The following GJC1 variants were observed in gnomAD, a reference collection of about 807,000 sequenced individuals.
GJC1 encodes the protein gap junction gamma-1 protein.
In GJC1, 5 loss-of-function variants were observed where a neutral mutation model predicts 29.3. The ratio of observed to expected loss-of-function variants is 0.17; its 90% CI spans 0.09 to 0.36. The LOEUF (loss-of-function observed/expected upper bound fraction) is 0.36, where lower values mean the gene tolerates loss of function less well. GJC1 is among the 10% of genes least tolerant of loss of function. The probability of loss-of-function intolerance (pLI) is 1.00; values close to 1 mark genes in which losing one functional copy is unlikely to be tolerated. For synonymous variants in GJC1, 177 were observed against 183.3 expected (o/e 0.97, Z 0.28); for missense variants, 310 against 496.2 (o/e 0.62, Z 3.56).
At position 44,803,775 on chromosome 17, in the gene GJC1, G is replaced by C. The variant is rs561586375; in HGVS notation, c.*852C>G. 6.6e-6 allele frequency: 1 copy of C among 152,296 alleles called. No homozygotes were observed. Among genetic ancestry groups the C allele is most frequent in the South Asian group, 2.1e-4 (1 of 4,828 alleles). 9.4% of individuals were successfully genotyped at this position (152,296 alleles called of 1,614,324 possible). On this transcript the variant is annotated 3_prime_UTR_variant, in exon 3 of 3. Coordinates refer to ENST00000592524, the MANE Select transcript of GJC1 (RefSeq NM_005497.4). ...GATTCCAGGCATGGCTTTGCTTTCTGAGGGACAGCTCCATATCATCTCTAG... is the reference window on the plus strand; with the variant it reads ...GATTCCAGGCATGGCTTTGCTTTCTCAGGGACAGCTCCATATCATCTCTAG...
At chr17:44,823,497 G>A (rs1237718012) in intron 1 of GJC1, among the ~76,000 whole-genome samples, 1 of 151,346 alleles carries the variant, frequency 6.6e-6, no homozygotes, top group Admixed American at 6.6e-5. Context: ...TGATCCCCCC[G>A]CCTCGGCCTC....
rs913703063 is a variant in GJC1, at chr17:44,817,833, C to T, written c.-96-10364G>A. Among the ~76,000 whole-genome samples, 5 of 152,046 alleles carry T rather than the reference C, an allele frequency of 3.3e-5. 1 individual carries two copies. Among genetic ancestry groups the T allele is most frequent in the Admixed American group, 2.6e-4 (4 of 15,248 alleles). ...GAGTTTGGGCTCTTTCTTGACCACTCGCTAGTAAAGAATTACATTACCAAT... is the reference window on the plus strand; with the variant it reads ...GAGTTTGGGCTCTTTCTTGACCACTTGCTAGTAAAGAATTACATTACCAAT... On this transcript the variant is annotated intron_variant, in intron 1 of 2. Transcript: ENST00000592524.
At chr17:44,823,269 T>TTTTTTTTTTTTTTTTTTTTTTTTTTC (rs1555560207) in intron 1 of GJC1, among the ~76,000 whole-genome samples, 1 of 149,288 alleles carries the variant, frequency 6.7e-6, no homozygotes, top group African/African-American at 2.5e-5. Context: ...TTTTTTTTTT[T>TTTTTTTTTTTTTTTTTTTTTTTTTTC]TAAGACGGAG....
chr17:44,815,224 G>C (rs1048628917), intron 1 of GJC1, among the ~76,000 whole-genome samples: 1 of 152,072 alleles, frequency 6.6e-6, no homozygotes, highest in Non-Finnish European at 1.5e-5. Context: ...CTGTCACCCA[G>C]GCTGGAGTGC....
downstream of GJC1, among the ~76,000 whole-genome samples, chr17:44,796,760 G>A (rs1004671581): frequency 1.3e-5 from 2 of 152,050 alleles, no homozygotes; most frequent in Admixed American, 1.3e-4. Context: ...ATCCCCCAGA[G>A]AACTTGTTAG....
At chr17:44,828,978 T>C (rs2050202619) in intron 1 of GJC1, among the ~76,000 whole-genome samples, 1 of 151,798 alleles carries the variant, frequency 6.6e-6, no homozygotes, top group Non-Finnish European at 1.5e-5. Context: ...TGATTTTTTA[T>C]AGCGCTTTCA....
upstream of GJC1, among the ~76,000 whole-genome samples, chr17:44,831,276 G>T (rs902580024): frequency 6.6e-6 from 1 of 152,310 alleles, no homozygotes; most frequent in East Asian, 1.9e-4. Flanking sequence ...CCAAAAATAT[G>T]AATTAGTTAC....
chr17:44,822,503 C>T (rs1396850267), intron 1 of GJC1, among the ~76,000 whole-genome samples: 2 of 151,580 alleles, frequency 1.3e-5, no homozygotes, highest in Admixed American at 6.6e-5. Context: ...ATTAGCTGGG[C>T]GTGGTGGCAG....
chr17:44,795,226 G>T (rs898346417), downstream of GJC1: 1 of 152,088 alleles, frequency 6.6e-6, no homozygotes, highest in Non-Finnish European at 1.5e-5. Context: ...TGCTAAATGC[G>T]TATTTTATTT....
Position 44,804,734 on chromosome 17 carries a change from G to C in GJC1, c.1084C>G (p.Pro362Ala), listed in dbSNP as rs781551609. 1 of 1,614,022 alleles carries C rather than the reference G, an allele frequency of 6.2e-7. No individual in the cohort carries two copies. The highest frequency in any genetic ancestry group is 1.3e-5 in the African/African-American group (1 of 74,902). The part of the protein sequence containing the change: ...AVQAYSHQNN[P>A]HGPREKKAKV... Reference sequence around the variant, plus strand: ...GCCTTCTTCTCCCGGGGACCATGAGGGTTGTTTTGGTGACTGTAGGCCTGA... The same window carrying C: ...GCCTTCTTCTCCCGGGGACCATGAGCGTTGTTTTGGTGACTGTAGGCCTGA... Residue 362 changes from proline (P) to alanine (A), a missense_variant, in exon 3 of 3, where the codon CCT (proline) becomes GCT (alanine). Coordinates refer to ENST00000592524, the MANE Select transcript of GJC1 (RefSeq NM_005497.4).
At chr17:44,825,188 C>CAAAAAAAAAAA (rs1162077867) in intron 1 of GJC1, among the ~76,000 whole-genome samples, 4 of 45,982 alleles carry the variant, frequency 8.7e-5, no homozygotes, top group African/African-American at 2.0e-4. Flanking sequence ...GTCTCAATTA[C>CAAAAAAAAAAA]AAAAAAAAAA....
At chr17:44,797,091 T>G (rs1205418000), downstream of GJC1, among the ~76,000 whole-genome samples, 1 of 152,008 alleles carries the variant, frequency 6.6e-6, no homozygotes, top group Non-Finnish European at 1.5e-5. Context: ...TATCTCTCTC[T>G]GTTATATATA....
chr17:44,830,805 T>C (rs2050225092), upstream of GJC1: 4 of 398,002 alleles, frequency 1.0e-5, no homozygotes, highest in Non-Finnish European at 1.8e-5. This position sits in a 1 kb window ranked among gnomAD's most constrained non-coding sequence, Gnocchi z 4.3. Context: ...TCGGGGCTCT[T>C]AGCAGTGCTC....
intron 1 of GJC1, among the ~76,000 whole-genome samples, chr17:44,816,014 G>A (rs1326628292): frequency 1.3e-5 from 2 of 149,190 alleles, no homozygotes; most frequent in African/African-American, 4.9e-5. Context: ...TCGGGAGGCT[G>A]AGGCAGGAGA....
At chr17:44,818,580 C>A (rs1021131509) in intron 1 of GJC1, among the ~76,000 whole-genome samples, 1 of 150,768 alleles carries the variant, frequency 6.6e-6, no homozygotes. Context: ...CTGAGGCGGG[C>A]GGATCCCAAG....
chr17:44,810,792 T>TA (rs943961491), intron 1 of GJC1, among the ~76,000 whole-genome samples: 5 of 151,662 alleles, frequency 3.3e-5, no homozygotes, highest in African/African-American at 1.2e-4. Flanking sequence ...TTTTTTTTTT[T>TA]AAACAGGGTC....
chr17:44,821,975 A>T (rs1158347700), intron 1 of GJC1, among the ~76,000 whole-genome samples: 1 of 151,894 alleles, frequency 6.6e-6, no homozygotes, highest in Non-Finnish European at 1.5e-5. Flanking sequence ...AGGCAGGTGG[A>T]TCACAAGGTC....
intron 1 of GJC1, among the ~76,000 whole-genome samples, chr17:44,826,078 G>A (rs376743786): frequency 3.3e-5 from 5 of 151,934 alleles, no homozygotes; most frequent in African/African-American, 9.7e-5. Flanking sequence ...CTGCCACCAC[G>A]CCCAGGTAAT....
Position 44,804,420 on chromosome 17 carries a change from T to C in GJC1, c.*207A>G. On this transcript the variant is annotated 3_prime_UTR_variant, in exon 3 of 3. Transcript: ENST00000592524. ...AATGTAAAGTTCTGCAACTGTATTA[T>C]TGCTAAGAACATGTGCCTGGGAACA... The C allele has an allele frequency of 7.4e-6, 4 of 540,688 alleles. No individual in the cohort carries two copies. Among genetic ancestry groups the C allele is most frequent in the South Asian group, 2.9e-5 (1 of 34,344 alleles). 33.5% of individuals were successfully genotyped at this position (540,688 alleles called of 1,614,324 possible). A position where few individuals can be genotyped will look rare whatever the true frequency, so the allele number is the denominator to read the frequency against.
Sources: gnomAD v4.1 joint callset for allele counts (sites outside exome capture counted in the v4.1 genomes callset) on GRCh38, gnomAD v4.1.1 for gene constraint, Gnocchi (gnomAD v3.1) non-coding constraint, MANE v1.5 for transcripts, NCBI Gene and HGNC (gene_info 2026-07-23, HGNC 2026-07-21) for gene names.